Variants in PCLO observed in about 807,000 individuals in gnomAD.
PCLO encodes the protein protein piccolo.
Under a neutral mutation model 427.5 loss-of-function variants are expected in PCLO, and 82 were observed. That is an observed-to-expected ratio of 0.19 (90% CI 0.16 to 0.23). The LOEUF (loss-of-function observed/expected upper bound fraction) is 0.23, where lower values mean the gene tolerates loss of function less well. Ranked by LOEUF, PCLO falls within the 10% of genes least tolerant of loss-of-function variation. The pLI is 1.00. For missense variants in PCLO, 6,239 were observed against 6,115.9 expected (o/e 1.02, Z -0.67); for synonymous variants, 2,357 against 2,155.4 (o/e 1.09, Z -2.59).
Position 82,846,578 on chromosome 7 carries a change from G to A in PCLO, c.13820C>T (p.Pro4607Leu). The A allele has an allele frequency of 1.2e-6, 2 of 1,606,134 alleles. No homozygotes were observed. The highest frequency in any genetic ancestry group is 1.7e-6 in the Non-Finnish European group (2 of 1,175,096). ...TTTCTTTTACCTACCAGCTTTTGGTGGCTCATGAAGTTCCAGATGCTGGGA... is the reference window on the plus strand; with the variant it reads ...TTTCTTTTACCTACCAGCTTTTGGTAGCTCATGAAGTTCCAGATGCTGGGA... ...ENSQHLELHEPPKAVDKAKSP... is the reference protein window; with the variant it reads ...ENSQHLELHELPKAVDKAKSP... Residue 4607 changes from proline to leucine, a missense_variant, in exon 12 of 25, where the codon CCA becomes CTA. Transcript: ENST00000333891.
intron 22 of PCLO, among the ~76,000 whole-genome samples, chr7:82,794,081 T>C (rs984289226): frequency 7.2e-5 from 11 of 152,218 alleles, no homozygotes; most frequent in African/African-American, 2.7e-4. Context: ...TTATTGCTGT[T>C]GAGATATCGT....
At chr7:83,075,539 G>A (rs550109789) in intron 3 of PCLO, among the ~76,000 whole-genome samples, 1 of 152,238 alleles carries the variant, frequency 6.6e-6, no homozygotes, top group South Asian at 2.1e-4. Flanking sequence ...CATGACAAGT[G>A]TTGTTTCTGT....
chr7:82,995,870 T>C (rs1796483725), intron 3 of PCLO, among the ~76,000 whole-genome samples: 1 of 151,962 alleles, frequency 6.6e-6, no homozygotes, highest in Non-Finnish European at 1.5e-5. Flanking sequence ...TCTTAATGTT[T>C]TGTTTGACAT....
chr7:82,885,266 C>T (rs973026744), intron 9 of PCLO, among the ~76,000 whole-genome samples: 1 of 152,092 alleles, frequency 6.6e-6, no homozygotes, highest in African/African-American at 2.4e-5. Flanking sequence ...TGAGAGAGAC[C>T]TCTTGGGGCT....
At chr7:82,882,824 T>A (rs888715220) in intron 9 of PCLO, among the ~76,000 whole-genome samples, 1 of 152,066 alleles carries the variant, frequency 6.6e-6, no homozygotes, top group Non-Finnish European at 1.5e-5. Context: ...AACATGAGCA[T>A]ACTAAGGAAA....
intron 6 of PCLO, among the ~76,000 whole-genome samples, chr7:82,930,328 C>G (rs978142817): frequency 3.3e-5 from 5 of 152,082 alleles, no homozygotes; most frequent in Non-Finnish European, 4.4e-5. Context: ...GGGGAAACTA[C>G]AGAGTGATAT....
At position 82,879,436 on chromosome 7, in the gene PCLO, C is replaced by A; in HGVS notation, c.13555G>T (p.Gly4519Cys). The change falls in exon 10 of 25, where the codon GGT becomes TGT. Residue 4519 changes from glycine (G) to cysteine (C), a missense_variant. Coordinates refer to ENST00000333891, the MANE Select transcript of PCLO (RefSeq NM_033026.6). ...CTATGTCCCGGGATTTCTTTACCACCCACAATTCTAATTCCTAATCCATTA... is the reference window on the plus strand; with the variant it reads ...CTATGTCCCGGGATTTCTTTACCACACACAATTCTAATTCCTAATCCATTA... The part of the protein sequence containing the change: ...SGNGLGIRIV[G>C]GKEIPGHSGE... 1 of 1,603,400 alleles carries A rather than the reference C, an allele frequency of 6.2e-7. No homozygotes were observed. Among genetic ancestry groups the A allele is most frequent in the East Asian group, 2.2e-5 (1 of 44,578 alleles).
intron 3 of PCLO, among the ~76,000 whole-genome samples, chr7:83,107,773 G>A (rs192551812): frequency 1.3e-5 from 2 of 151,330 alleles, no homozygotes; most frequent in East Asian, 2.0e-4. Flanking sequence ...GGCAGATCAC[G>A]AGGTGAAGAG....
intron 3 of PCLO, among the ~76,000 whole-genome samples, chr7:83,047,029 G>A (rs906054804): frequency 1.3e-5 from 2 of 151,924 alleles, no homozygotes; most frequent in Non-Finnish European, 2.9e-5. Context: ...TTCTTATCTT[G>A]AGAGCTACTA....
intron 3 of PCLO, among the ~76,000 whole-genome samples, chr7:83,118,139 C>A (rs966372990): frequency 6.6e-6 from 1 of 151,884 alleles, no homozygotes; most frequent in Non-Finnish European, 1.5e-5. Context: ...CCTTTCAGCT[C>A]GCACTATAAC....
chr7:83,023,499 T>C (rs749584220), intron 3 of PCLO, among the ~76,000 whole-genome samples: 1 of 152,194 alleles, frequency 6.6e-6, no homozygotes, highest in African/African-American at 2.4e-5. Flanking sequence ...GATTGGGAAT[T>C]AGAGAACCAT....
At chr7:83,106,245 TGAG>T (rs1480231521) in intron 3 of PCLO, among the ~76,000 whole-genome samples, 2 of 151,906 alleles carry the variant, frequency 1.3e-5, no homozygotes, top group Non-Finnish European at 1.5e-5. Flanking sequence ...TTGAATGGAG[TGAG>T]GAGAAGGAGC....
In PCLO at chr7:82,915,472, C is replaced by G; in HGVS notation, c.12514G>C (p.Glu4172Gln). 6.2e-7 allele frequency: 1 copy of G among 1,613,650 alleles called. No individual in the cohort carries two copies. Among genetic ancestry groups the G allele is most frequent in the Non-Finnish European group, 8.5e-7 (1 of 1,179,716 alleles). The change falls in exon 7 of 25, where the codon GAA becomes CAA. Residue 4172 changes from glutamate (E) to glutamine (Q), a missense_variant. Around this residue, in one of 5 missense-constraint regions of PCLO, gnomAD observed 680 missense variants for 677.3 expected, o/e 1.00. Transcript: ENST00000333891. ...GGCAGTTGTTTTGCTGCTTGTTTTT[C>G]AAGTGTGAGTCTACTGATGCTATAC... ...EKYSISRLTL[E>Q]KQAAKQLPAA... is the part of the protein sequence containing the mutation.
At chr7:82,928,786 T>C (rs1039511625) in intron 6 of PCLO, among the ~76,000 whole-genome samples, 1 of 152,140 alleles carries the variant, frequency 6.6e-6, no homozygotes, top group Admixed American at 6.6e-5. Context: ...ATGTAATTGC[T>C]CATCCATACC....
intron 4 of PCLO, among the ~76,000 whole-genome samples, chr7:82,960,966 C>G (rs539065915): frequency 1.5e-4 from 23 of 152,190 alleles, no homozygotes; most frequent in African/African-American, 5.5e-4. Flanking sequence ...TCTTTGTAAT[C>G]AGAGATGGAC....
rs764347421 is a variant in PCLO, at chr7:83,155,500, G to C, written c.1141C>G (p.Pro381Ala). 7 of 1,612,894 alleles carry C rather than the reference G, an allele frequency of 4.3e-6. No individual in the cohort carries two copies. The Admixed American group carries it at 5.0e-5, about 12-fold the overall frequency. ...PPAQQTGSEKPSSEQPGPKAL... is the reference protein window; with the variant it reads ...PPAQQTGSEKASSEQPGPKAL... ...TTTGGCCCAGGCTGCTCCGATGAAG[G>C]CTTCTCTGACCCAGTCTGCTGAGCT... Residue 381 changes from proline (P) to alanine (A), a missense_variant, in exon 2 of 25, where the codon CCT (proline) becomes GCT (alanine). Around this residue, in one of 5 missense-constraint regions of PCLO, gnomAD observed 4,677 missense variants for 4,468.4 expected, o/e 1.05. Transcript: ENST00000333891.
intron 10 of PCLO, among the ~76,000 whole-genome samples, chr7:82,864,603 C>A (rs1362231876): frequency 6.6e-6 from 1 of 152,132 alleles, no homozygotes; most frequent in Non-Finnish European, 1.5e-5. Flanking sequence ...CATTTCTCCT[C>A]CAACTTCAGC....
chr7:82,880,278 C>T (rs764954714), intron 9 of PCLO: 4 of 262,866 alleles, frequency 1.5e-5, no homozygotes, highest in African/African-American at 6.7e-5. Flanking sequence ...ATATATGGCT[C>T]ATCACTGACC....
intron 3 of PCLO, among the ~76,000 whole-genome samples, chr7:83,099,703 A>AT (rs897790927): frequency 6.6e-6 from 1 of 152,038 alleles, no homozygotes; most frequent in Non-Finnish European, 1.5e-5. Flanking sequence ...AATACAGTAG[A>AT]TTTTTTAAAG....
Sources: allele counts gnomAD v4.1 joint callset (sites outside exome capture counted in the v4.1 genomes callset), GRCh38; gene constraint gnomAD v4.1.1; regional missense constraint gnomAD v4.1.1; transcripts MANE v1.5; gene names NCBI Gene and HGNC (gene_info 2026-07-23, HGNC 2026-07-21).